Variants in WHRN observed in about 807,000 individuals in gnomAD.
The protein encoded by WHRN is CASK-interacting protein CIP98.
A neutral mutation model predicts 68.3 loss-of-function variants in WHRN; 41 were observed. The ratio of observed to expected loss-of-function variants is 0.60; its 90% CI spans 0.47 to 0.78. The LOEUF (loss-of-function observed/expected upper bound fraction) is 0.78. Among genes scored for constraint, WHRN ranks in the 30% least tolerant of loss-of-function variants. The pLI is 0.00. For missense variants in WHRN, 1,243 were observed against 1,244.7 expected (o/e 1.00, Z 0.02); for synonymous variants, 560 against 561.3 (o/e 1.00, Z 0.03).
chr9:114,494,057 C>T (rs946183777), intron 1 of WHRN, among the ~76,000 whole-genome samples: 12 of 152,296 alleles, frequency 7.9e-5, no homozygotes, highest in Admixed American at 5.9e-4. Flanking sequence ...GACTGTGTGC[C>T]CGTGATGGGT....
chr9:114,410,847 G>C lies in WHRN; in HGVS notation c.1627-2829C>G, dbSNP rs531829870. On this transcript the variant is annotated intron_variant, in intron 7 of 11. Coordinates refer to ENST00000362057, the MANE Select transcript of WHRN (RefSeq NM_015404.4). ...GGTGGTTGGGGGGATTCTTTCAAAA[G>C]GGCGAGGGTGATTGGGCTGCTCTCT... Among the ~76,000 whole-genome samples the C allele has an allele frequency of 2.3e-4, 35 of 152,364 alleles. 1 individual carries two copies. The South Asian group carries it at 6.6e-3, about 29-fold the overall frequency.
intron 9 of WHRN, among the ~76,000 whole-genome samples, chr9:114,405,395 G>T (rs1834957396): frequency 6.6e-6 from 1 of 152,162 alleles, no homozygotes; most frequent in Admixed American, 6.5e-5. Flanking sequence ...TACTTTGTAT[G>T]TCTCAGTTTG....
chr9:114,424,096 T>G (rs1419825452), intron 6 of WHRN, among the ~76,000 whole-genome samples: 1 of 152,158 alleles, frequency 6.6e-6, no homozygotes, highest in Non-Finnish European at 1.5e-5. Context: ...GGTGATTCTG[T>G]GCACTCAGCG....
intron 3 of WHRN, among the ~76,000 whole-genome samples, chr9:114,432,256 T>A (rs1302315296): frequency 6.6e-6 from 1 of 152,150 alleles, no homozygotes; most frequent in Non-Finnish European, 1.5e-5. Flanking sequence ...GGATACCGAT[T>A]TCCCTGAAAT....
intron 1 of WHRN, among the ~76,000 whole-genome samples, chr9:114,482,722 C>T (rs183419857): frequency 1.8e-4 from 28 of 152,158 alleles, no homozygotes; most frequent in African/African-American, 6.7e-4. Context: ...GAACAATGCG[C>T]AGAGCATCAT....
At chr9:114,448,417 T>C (rs1260394591) in intron 3 of WHRN, among the ~76,000 whole-genome samples, 1 of 152,150 alleles carries the variant, frequency 6.6e-6, no homozygotes, top group Non-Finnish European at 1.5e-5. Flanking sequence ...AATACATTTC[T>C]GTTGTTTTAA....
intron 1 of WHRN, among the ~76,000 whole-genome samples, chr9:114,490,889 T>C (rs1019764656): frequency 9.2e-5 from 14 of 152,260 alleles, no homozygotes; most frequent in Non-Finnish European, 1.8e-4. Context: ...CAGAAAGATA[T>C]TGATTCCTCT....
At position 114,406,352 on chromosome 9, in the gene WHRN, C is replaced by T; in HGVS notation, c.2236+3G>A. On this transcript the variant is annotated splice_donor_region_variant and intron_variant, in intron 9 of 11. Coordinates refer to ENST00000362057, the MANE Select transcript of WHRN (RefSeq NM_015404.4). ...CCACAGAGCCTGGCCTTGCTGTACT[C>T]ACTGCGCGTCTGGGGCAGCGCCCTC... 1.2e-6 allele frequency: 2 copies of T among 1,614,050 alleles called. No homozygotes were observed. Among genetic ancestry groups the T allele is most frequent in the Non-Finnish European group, 1.7e-6 (2 of 1,180,042 alleles).
intron 3 of WHRN, among the ~76,000 whole-genome samples, chr9:114,447,926 G>A (rs548589818): frequency 1.3e-5 from 2 of 152,218 alleles, no homozygotes; most frequent in South Asian, 4.1e-4. Context: ...TGTGAGAAAC[G>A]CAAACTCTCA....
At chr9:114,439,096 CA>C (rs1838146061) in intron 3 of WHRN, among the ~76,000 whole-genome samples, 1 of 152,148 alleles carries the variant, frequency 6.6e-6, no homozygotes, top group Non-Finnish European at 1.5e-5. Flanking sequence ...CAAAAAGAAA[CA>C]GAGGAATAAA....
At chr9:114,475,280 T>C (rs1013098582) in intron 2 of WHRN, among the ~76,000 whole-genome samples, 1 of 152,138 alleles carries the variant, frequency 6.6e-6, no homozygotes, top group African/African-American at 2.4e-5. Flanking sequence ...AAATTGATTC[T>C]AGTTTATGAG....
intron 7 of WHRN, among the ~76,000 whole-genome samples, chr9:114,418,944 T>G (rs1836031348): frequency 6.6e-6 from 1 of 152,204 alleles, no homozygotes; most frequent in Non-Finnish European, 1.5e-5. Flanking sequence ...TCTTTGGTGT[T>G]CACCACTGTA....
intron 2 of WHRN, among the ~76,000 whole-genome samples, chr9:114,472,128 G>A (rs934256311): frequency 6.6e-5 from 10 of 152,232 alleles, no homozygotes; most frequent in Non-Finnish European, 1.3e-4. Flanking sequence ...GCCATCCAGG[G>A]CTGTTGTGAG....
At chr9:114,490,449 C>T (rs778675563) in intron 1 of WHRN, among the ~76,000 whole-genome samples, 5 of 151,996 alleles carry the variant, frequency 3.3e-5, no homozygotes, top group African/African-American at 1.2e-4. Flanking sequence ...TTGGGCCTCA[C>T]GAAGTAGGTT....
intron 7 of WHRN, among the ~76,000 whole-genome samples, chr9:114,422,160 T>A (rs1819355456): frequency 6.6e-6 from 1 of 152,158 alleles, no homozygotes; most frequent in Non-Finnish European, 1.5e-5. Context: ...ACAAGACAGC[T>A]AATACCGTAT....
intron 3 of WHRN, among the ~76,000 whole-genome samples, chr9:114,458,591 G>T (rs1226474531): frequency 1.3e-5 from 2 of 152,290 alleles, no homozygotes; most frequent in East Asian, 3.9e-4. Context: ...GCGGCAGAGG[G>T]GGTGGCCCTG....
At chr9:114,437,652 G>C (rs756799855) in intron 3 of WHRN, among the ~76,000 whole-genome samples, 15 of 152,308 alleles carry the variant, frequency 9.8e-5, no homozygotes, top group Non-Finnish European at 1.9e-4. Context: ...GTCCTCTCTT[G>C]GCCATGTGAC....
chr9:114,411,394 GGGAGCCTCTGCCACATTCAGGT>G (rs1158733543), intron 7 of WHRN, among the ~76,000 whole-genome samples: 1 of 152,194 alleles, frequency 6.6e-6, no homozygotes, highest in African/African-American at 2.4e-5. Flanking sequence ...CAAAGACAAG[GGGAGCCTCTGCCACATTCAGGT>G]GGAGCCACTG....
At chr9:114,453,039 G>C (rs148520365) in intron 3 of WHRN, among the ~76,000 whole-genome samples, 3 of 152,300 alleles carry the variant, frequency 2.0e-5, no homozygotes, top group Non-Finnish European at 4.4e-5. Flanking sequence ...AAGGGGTGTG[G>C]TTACTGTGTT....
Sources: gnomAD v4.1 joint callset for allele counts (sites outside exome capture counted in the v4.1 genomes callset) on GRCh38, gnomAD v4.1.1 for gene constraint, MANE v1.5 for transcripts, NCBI Gene and HGNC (gene_info 2026-07-23, HGNC 2026-07-21) for gene names.